The following NCK2 variants were observed in gnomAD, a reference collection of about 807,000 sequenced individuals.
NCK2 encodes NCK adaptor protein 2, also known as cytoplasmic protein NCK2.
In NCK2, 16 loss-of-function variants were observed where a neutral mutation model predicts 33.9. The observed-to-expected ratio is 0.47, with a 90% confidence interval of 0.32 to 0.72. The LOEUF (loss-of-function observed/expected upper bound fraction) is 0.72. NCK2 is among the 30% of genes least tolerant of loss of function. The pLI, the probability that NCK2 is intolerant of heterozygous loss-of-function variation, is 0.03. For synonymous variants in NCK2, 273 were observed against 239.9 expected (o/e 1.14, Z -1.27); for missense variants, 418 against 537.3 (o/e 0.78, Z 2.19).
chr2:105,842,376 G>A (rs1676682442), intron 2 of NCK2, among the ~76,000 whole-genome samples: 1 of 152,074 alleles, frequency 6.6e-6, no homozygotes. Flanking sequence ...GTGAGCCACT[G>A]CACCCAGCTT....
At chr2:105,810,321 T>TGA (rs994787495) in intron 1 of NCK2, among the ~76,000 whole-genome samples, 4 of 151,860 alleles carry the variant, frequency 2.6e-5, no homozygotes, top group Admixed American at 6.6e-5. Flanking sequence ...TGTGTGTGTG[T>TGA]GAGAGAGAGA....
intron 1 of NCK2, among the ~76,000 whole-genome samples, chr2:105,796,322 T>A (rs1022519272): frequency 1.3e-5 from 2 of 152,234 alleles, no homozygotes; most frequent in Non-Finnish European, 2.9e-5. Context: ...AGGAGAGTGC[T>A]GGAGGTTAGT....
At chr2:105,777,908 A>C (rs201833577) in intron 1 of NCK2, among the ~76,000 whole-genome samples, 1 of 152,192 alleles carries the variant, frequency 6.6e-6, no homozygotes, top group East Asian at 1.9e-4. Flanking sequence ...CAGCAGCAGC[A>C]CCTTGGTTTC....
At chr2:105,776,707 G>T (rs565698865) in intron 1 of NCK2, among the ~76,000 whole-genome samples, 36 of 152,176 alleles carry the variant, frequency 2.4e-4, no homozygotes, top group Non-Finnish European at 5.0e-4. Flanking sequence ...AGCCATCCCA[G>T]CAGGGCTGGA....
chr2:105,827,160 C>T (rs79744235), intron 2 of NCK2, among the ~76,000 whole-genome samples: 10,579 of 152,042 alleles, frequency 0.07, 403 homozygotes, highest in South Asian at 0.13. Flanking sequence ...CCACCACGCC[C>T]GGCTAATTTT....
chr2:105,749,775 G>A (rs997522), intron 1 of NCK2, among the ~76,000 whole-genome samples: 75,826 of 151,722 alleles, frequency 0.5, 21,284 homozygotes, highest in Middle Eastern at 0.68. Context: ...CCACATCCTG[G>A]TTATGGGCCA....
chr2:105,785,897 G>A (rs979147559), intron 1 of NCK2, among the ~76,000 whole-genome samples: 1 of 152,072 alleles, frequency 6.6e-6, no homozygotes, highest in African/African-American at 2.4e-5. Context: ...CAATACTTTT[G>A]GTCTAGATGA....
chr2:105,874,357 A>G (rs563623576), intron 3 of NCK2, among the ~76,000 whole-genome samples: 1 of 152,376 alleles, frequency 6.6e-6, no homozygotes, highest in Admixed American at 6.5e-5. Context: ...GTCACTTTAT[A>G]CCATAATCAG....
chr2:105,881,987 G>A lies in NCK2; in HGVS notation c.886G>A (p.Glu296Lys). The A allele has an allele frequency of 6.6e-7, 1 of 1,513,348 alleles. No homozygotes were observed. The highest frequency in any genetic ancestry group is 8.8e-7 in the Non-Finnish European group (1 of 1,131,118). 93.7% of individuals were successfully genotyped at this position (1,513,348 alleles called of 1,614,324 possible). A position where few individuals can be genotyped will look rare whatever the true frequency, so the allele number is the denominator to read the frequency against. Residue 296 changes from glutamate (E) to lysine (K), a missense_variant, in exon 4 of 5, where the codon GAG (glutamate) becomes AAG (lysine). Glu to Lys is a moderately conservative substitution (Grantham distance 56). Coordinates refer to ENST00000233154, the MANE Select transcript of NCK2 (RefSeq NM_003581.5). ...YYGNVTRHQA[E>K]CALNERGVEG... ...CGGGAACGTGACGCGGCACCAGGCC[G>A]AGTGCGCCCTCAACGAGCGGGGCGT... is the stretch of plus-strand genomic sequence containing the variant.
At chr2:105,813,621 G>C (rs150893185) in intron 1 of NCK2, among the ~76,000 whole-genome samples, 3 of 152,214 alleles carry the variant, frequency 2.0e-5, no homozygotes, top group Non-Finnish European at 2.9e-5. Context: ...CTGCTTGCAG[G>C]GGGGCATCTC....
chr2:105,818,683 C>T (rs2104489896), intron 2 of NCK2, among the ~76,000 whole-genome samples: 1 of 152,184 alleles, frequency 6.6e-6, no homozygotes, highest in Non-Finnish European at 1.5e-5. Flanking sequence ...TTACAGTGGA[C>T]ATTTGTATAA....
At chr2:105,882,078 T>C (rs748639333) in intron 4 of NCK2, 29 bp downstream of exon 4, 1 of 1,481,402 alleles carries the variant, frequency 6.8e-7, no homozygotes, top group East Asian at 2.4e-5. Context: ...CAGCTCCGGC[T>C]GCAGGCAGTA....
chr2:105,852,684 G>C (rs1234624493), intron 2 of NCK2, among the ~76,000 whole-genome samples: 1 of 152,206 alleles, frequency 6.6e-6, no homozygotes, highest in Non-Finnish European at 1.5e-5. Context: ...GTGGTATTCA[G>C]ATGGAATATT....
chr2:105,789,497 T>G (rs1690800525), intron 1 of NCK2, among the ~76,000 whole-genome samples: 1 of 152,208 alleles, frequency 6.6e-6, no homozygotes, highest in Admixed American at 6.5e-5. Context: ...CCTCACAACC[T>G]TTTTTCAATG....
chr2:105,817,568 C>T (rs1675541581), intron 2 of NCK2, among the ~76,000 whole-genome samples: 1 of 151,990 alleles, frequency 6.6e-6, no homozygotes, highest in Admixed American at 6.6e-5. Flanking sequence ...TTTTAATTTG[C>T]TCAAAAAAAT....
At chr2:105,754,919 AT>A (rs879443791) in intron 1 of NCK2, among the ~76,000 whole-genome samples, 138 of 149,912 alleles carry the variant, frequency 9.2e-4, no homozygotes, top group Middle Eastern at 6.9e-3. Context: ...ATAGAAACAG[AT>A]TTTTTTTTTC....
intron 2 of NCK2, among the ~76,000 whole-genome samples, chr2:105,826,931 A>G (rs1186019371): frequency 5.3e-5 from 8 of 152,126 alleles, no homozygotes; most frequent in Non-Finnish European, 1.2e-4. Context: ...AAGAACTTTT[A>G]AAAGTAGAGA....
intron 2 of NCK2, among the ~76,000 whole-genome samples, chr2:105,829,714 C>CT (rs1676093589): frequency 6.6e-6 from 1 of 152,174 alleles, no homozygotes; most frequent in African/African-American, 2.4e-5. Context: ...AGAGTCCATT[C>CT]TGTCAGAATT....
intron 4 of NCK2, among the ~76,000 whole-genome samples, chr2:105,891,761 G>A (rs1678997265): frequency 6.6e-6 from 1 of 151,832 alleles, no homozygotes. Context: ...TGGCCAGGCT[G>A]GTCTCAAAGT....
Sources: gnomAD v4.1 joint callset for allele counts (sites outside exome capture counted in the v4.1 genomes callset) on GRCh38, gnomAD v4.1.1 for gene constraint, MANE v1.5 for transcripts, NCBI Gene and HGNC (gene_info 2026-07-23, HGNC 2026-07-21) for gene names.